Variants in MBOAT7 observed in about 807,000 individuals in gnomAD.
The protein encoded by MBOAT7 is membrane-bound acylglycerophosphatidylinositol O-acyltransferase MBOAT7.
MBOAT7 carries 40 observed loss-of-function variants against 47.4 expected under a neutral mutation model. The observed-to-expected ratio is 0.84, with a 90% CI of 0.66 to 1.10. The LOEUF is 1.10. Ranked by LOEUF, MBOAT7 falls within the 50% of genes least tolerant of loss-of-function variation. The probability of loss-of-function intolerance (pLI) is 0.00; values close to 1 mark genes in which losing one functional copy is unlikely to be tolerated. For synonymous variants in MBOAT7, 361 were observed against 292.0 expected (o/e 1.24, Z -2.41); for missense variants, 680 against 655.6 (o/e 1.04, Z -0.41).
At chr19:54,187,056 T>G in intron 4 of MBOAT7, 105 bp downstream of exon 4, 2 of 1,329,028 alleles carry the variant, frequency 1.5e-6, no homozygotes, top group Non-Finnish European at 2.0e-6. Flanking sequence ...ACCCCCAGGG[T>G]GTGTTGGAGG....
rs372936043 is a variant in MBOAT7 at position 54,174,138 on chromosome 19, C to A, written c.1325G>T (p.Gly442Val). The A allele has an allele frequency of 5.6e-6, 9 of 1,599,552 alleles. No individual in the cohort carries two copies. The African/African-American group carries it at 1.1e-4, about 19-fold the overall frequency. The change falls in exon 8 of 8, where the codon GGG becomes GTG. Residue 442 changes from glycine to valine, a missense_variant. Physicochemically the swap from Gly to Val is moderately radical, Grantham distance 109. Transcript: ENST00000245615. ...CIHFLALAAL[G>V]LGLALGGGSP... ...GCCCCCACCTAAAGCCAGCCCCAGCCCCAGGGCTGCCAGGGCCAGGAAGTG... is the reference window on the plus strand; with the variant it reads ...GCCCCCACCTAAAGCCAGCCCCAGCACCAGGGCTGCCAGGGCCAGGAAGTG...
chr19:54,179,006 T>G, intron 6 of MBOAT7, 65 bp from the exon 7 acceptor site: 1 of 1,574,428 alleles, frequency 6.4e-7, no homozygotes, highest in Admixed American at 1.8e-5. Flanking sequence ...TCCCGACGCC[T>G]GCTAGTGTCC....
chr19:54,186,840 A>G, intron 4 of MBOAT7: 1 of 351,600 alleles, frequency 2.8e-6, no homozygotes, highest in Admixed American at 4.3e-5. Flanking sequence ...TCTCCTTTGC[A>G]AAATAGCTGG....
At chr19:54,175,800 C>G (rs1357517068) in intron 7 of MBOAT7, among the ~76,000 whole-genome samples, 6 of 152,224 alleles carry the variant, frequency 3.9e-5, no homozygotes, top group African/African-American at 1.4e-4. Flanking sequence ...TCTCGGCTCA[C>G]TGCAACCTCT....
At chr19:54,178,363 T>C in intron 7 of MBOAT7, 11 of 1,112,762 alleles carry the variant, frequency 9.9e-6, no homozygotes, top group Non-Finnish European at 1.2e-5. Context: ...TTTTATCACA[T>C]TTAGTCCTTC....
intron 5 of MBOAT7, among the ~76,000 whole-genome samples, chr19:54,182,592 G>GA (rs1277615278): frequency 3.3e-5 from 5 of 150,420 alleles, no homozygotes; most frequent in South Asian, 4.2e-4. Flanking sequence ...GCTGTTATTG[G>GA]AAAAAAAACC....
rs746991748 is a variant in MBOAT7, at chr19:54,174,067, G to T, written c.1396C>A (p.Pro466Thr). The T allele has an allele frequency of 1.9e-6, 3 of 1,603,386 alleles. No homozygotes were observed. The highest frequency in any genetic ancestry group is 2.2e-4 in the Middle Eastern group (1 of 4,614). Reference sequence around the variant, plus strand: ...GCTTACTCCTCCCGGAGCTTCTCCGGGGCAAGGCTGGTGGGCTGGGATGCT... The same window carrying T: ...GCTTACTCCTCCCGGAGCTTCTCCGTGGCAAGGCTGGTGGGCTGGGATGCT... ...KAASQPTSLA[P>T]EKLREE Residue 466 changes from proline (P) to threonine (T), a missense_variant, in exon 8 of 8, where the codon CCG becomes ACG. By Grantham distance (38) the Pro-to-Thr change is conservative. Coordinates refer to ENST00000245615, the MANE Select transcript of MBOAT7 (RefSeq NM_024298.5).
At position 54,182,810 on chromosome 19, in the gene MBOAT7, CCA is replaced by C. The variant is rs367834420; in HGVS notation, c.493+709_493+710del. On this transcript the variant is annotated intron_variant, in intron 5 of 7. Transcript: ENST00000245615. ...CCGTCTCGTGGGTTCAAGCGATTCT[CCA>C]GTTTCAGCCTCCCAAGTAGCTGGGA... 4.6e-3 allele frequency among the ~76,000 whole-genome samples: 693 copies of C among 152,156 alleles called. 2 individuals carry two copies. The highest frequency in any genetic ancestry group is 0.015 in the African/African-American group (641 of 41,512).
At position 54,180,832 on chromosome 19, in the gene MBOAT7, G is replaced by C; in HGVS notation, c.795C>G (p.Pro265=). ...CTCCGGCCCGGGCTTTGGCGGCCAC[G>C]GGGTAGGCCCCAAAGCCGGCGGCAA... ...GCIAAGFGAY[P]VAAKARAGGG... Residue 265 remains proline (P), a synonymous_variant, in exon 6 of 8, where the codon CCC becomes CCG. Transcript: ENST00000245615. This position sits in a 1 kb window ranked among gnomAD's most constrained non-coding sequence, Gnocchi z 5.2. The C allele has an allele frequency of 1.9e-6, 3 of 1,573,264 alleles. No individual in the cohort carries two copies. Among genetic ancestry groups the C allele is most frequent in the Non-Finnish European group, 2.6e-6 (3 of 1,163,108 alleles).
In MBOAT7 at chr19:54,178,766, G is replaced by A. The variant is rs200105516; in HGVS notation, c.1030C>T (p.Arg344Trp). The change falls in exon 7 of 8, where the codon CGG becomes TGG. Residue 344 changes from arginine to tryptophan, a missense_variant and splice_region_variant. Arg to Trp is a moderately radical substitution (Grantham distance 101, BLOSUM62 -3). Transcript: ENST00000245615. The part of the protein sequence containing the change: ...KSAPARSYVL[R>W]SAWTMLLSAY... Reference sequence around the variant, plus strand: ...CTGAGACTGGGCGGGCTCACTCACCGCAGGACATAGGAACGGGCAGGTGCG... The same window carrying A: ...CTGAGACTGGGCGGGCTCACTCACCACAGGACATAGGAACGGGCAGGTGCG... The A allele has an allele frequency of 1.4e-5, 22 of 1,613,264 alleles. No homozygotes were observed. The Admixed American group carries it at 1.7e-4, about 12-fold the overall frequency.
rs1407234652 is a variant in MBOAT7 at position 54,180,793 on chromosome 19, G to A, written c.834C>T (p.Leu278=). 1.3e-6 allele frequency: 2 copies of A among 1,553,844 alleles called. No individual in the cohort carries two copies. The highest frequency in any genetic ancestry group is 2.2e-4 in the Middle Eastern group (1 of 4,514). The part of the protein sequence containing the change: ...AKARAGGGPT[L]QCPPPSSPEK... ...CTGACCTGCTGGGGGGTGGGCATTG[G>A]AGGGTGGGGCCGCCTCCGGCCCGGG... Residue 278 remains leucine (L), a synonymous_variant, in exon 6 of 8, where the codon CTC becomes CTT. Transcript: ENST00000245615. This position sits in a 1 kb window ranked among gnomAD's most constrained non-coding sequence, Gnocchi z 5.2.
chr19:54,178,751 G>A lies in MBOAT7; in HGVS notation c.1031+14C>T. 6.2e-7 allele frequency: 1 copy of A among 1,612,432 alleles called. No individual in the cohort carries two copies. Among genetic ancestry groups the A allele is most frequent in the Non-Finnish European group, 8.5e-7 (1 of 1,179,344 alleles). The stretch of plus-strand genomic sequence containing the variant: ...GTTCTGCAGTGTCACCTGAGACTGG[G>A]CGGGCTCACTCACCGCAGGACATAG... On this transcript the variant is annotated intron_variant, in intron 7 of 7. Coordinates refer to ENST00000245615, the MANE Select transcript of MBOAT7 (RefSeq NM_024298.5).
At chr19:54,175,798 C>T (rs2076090633) in intron 7 of MBOAT7, among the ~76,000 whole-genome samples, 2 of 152,208 alleles carry the variant, frequency 1.3e-5, no homozygotes, top group Admixed American at 6.5e-5. Flanking sequence ...AATCTCGGCT[C>T]ACTGCAACCT....
chr19:54,175,764 G>A lies in MBOAT7; in HGVS notation c.1032-1333C>T, dbSNP rs561539328. Among the ~76,000 whole-genome samples the A allele has an allele frequency of 4.6e-5, 7 of 152,172 alleles. No individual in the cohort carries two copies. The South Asian group carries it at 6.2e-4, about 14-fold the overall frequency. On this transcript the variant is annotated intron_variant, in intron 7 of 7. Transcript: ENST00000245615. ...TGTTCAGACGGAGTCTCGCTCTGCC[G>A]CCCATGCTGGAGTGCAGTGGTGCAA...
At chr19:54,182,255 C>A (rs931295066) in intron 5 of MBOAT7, among the ~76,000 whole-genome samples, 1 of 151,138 alleles carries the variant, frequency 6.6e-6, no homozygotes, top group Non-Finnish European at 1.5e-5. Context: ...AAAAAAAAAA[C>A]AAATTAAAAT....
At position 54,174,368 on chromosome 19, in the gene MBOAT7, G is replaced by C; in HGVS notation, c.1095C>G (p.Ser365Arg). The C allele has an allele frequency of 6.2e-7, 1 of 1,611,270 alleles. No individual in the cohort carries two copies. The highest frequency in any genetic ancestry group is 2.2e-5 in the East Asian group (1 of 44,786). ...CCAGGCACAGCGGGATGGTCAGGAA[G>C]CTCAGGTAGTAGCCCGGGTGGAGGC... Reference protein sequence around the residue: ...WHGLHPGYYLSFLTIPLCLAA... With the variant: ...WHGLHPGYYLRFLTIPLCLAA... Residue 365 changes from serine to arginine, a missense_variant, in exon 8 of 8, where the codon AGC (serine) becomes AGG (arginine). Coordinates refer to ENST00000245615, the MANE Select transcript of MBOAT7 (RefSeq NM_024298.5).
intron 7 of MBOAT7, among the ~76,000 whole-genome samples, chr19:54,176,012 T>C (rs904536551): frequency 4.0e-5 from 6 of 151,878 alleles, no homozygotes; most frequent in Non-Finnish European, 7.4e-5. Flanking sequence ...CGTGAGCCAC[T>C]GCACCCAGCC....
At chr19:54,183,758 C>T (rs1233705272) in intron 4 of MBOAT7, 78 bp from the exon 5 acceptor site, 1 of 1,402,418 alleles carries the variant, frequency 7.1e-7, no homozygotes, top group African/African-American at 1.5e-5. Flanking sequence ...GCGCGGCTGC[C>T]CTCGGCAGCC....
intron 6 of MBOAT7, chr19:54,179,495 C>A (rs1444809056): frequency 1.9e-5 from 3 of 155,602 alleles, no homozygotes; most frequent in Non-Finnish European, 4.3e-5. Context: ...TTCCTGGTCG[C>A]AGTGATTATT....
Sources: gnomAD v4.1 joint callset for allele counts (sites outside exome capture counted in the v4.1 genomes callset) on GRCh38, gnomAD v4.1.1 for gene constraint, Gnocchi (gnomAD v3.1) non-coding constraint, MANE v1.5 for transcripts, NCBI Gene and HGNC (gene_info 2026-07-23, HGNC 2026-07-21) for gene names.